Variants in NKAIN3 observed in about 807,000 individuals in gnomAD.
The protein encoded by NKAIN3 is sodium/potassium-transporting ATPase subunit beta-1-interacting protein 3.
NKAIN3 carries 25 observed loss-of-function variants against 30.2 expected under a neutral mutation model. The ratio of observed to expected loss-of-function variants is 0.83; its 90% CI spans 0.60 to 1.16. NKAIN3 has a LOEUF of 1.16. NKAIN3 is among the 50% of genes most tolerant of loss of function. The pLI, the probability that NKAIN3 is intolerant of heterozygous loss-of-function variation, is 0.00. For missense variants in NKAIN3, 225 were observed against 254.1 expected (o/e 0.89, Z 0.78); for synonymous variants, 91 against 89.6 (o/e 1.02, Z -0.09).
intron 1 of NKAIN3, among the ~76,000 whole-genome samples, chr8:62,412,190 A>G (rs1804259275): frequency 6.6e-6 from 1 of 152,224 alleles, no homozygotes; most frequent in African/African-American, 2.4e-5. Context: ...ATAGTAATCA[A>G]AGTAGCATGG....
intron 1 of NKAIN3, among the ~76,000 whole-genome samples, chr8:62,418,947 A>G (rs976841353): frequency 6.6e-6 from 1 of 152,164 alleles, no homozygotes; most frequent in African/African-American, 2.4e-5. Context: ...TAGCAGAAGC[A>G]TTTCTCTCCT....
chr8:62,381,189 A>T (rs1817264043), intron 1 of NKAIN3, among the ~76,000 whole-genome samples: 2 of 152,132 alleles, frequency 1.3e-5, no homozygotes, highest in Non-Finnish European at 2.9e-5. Flanking sequence ...ATTATTAATC[A>T]GTTTGCTTTT....
rs562670270 is a variant in NKAIN3 at position 62,300,868 on chromosome 8, T to G, written c.54+51741T>G. Among the ~76,000 whole-genome samples the G allele has an allele frequency of 1.6e-4, 25 of 152,250 alleles. No individual in the cohort carries two copies. The South Asian group carries it at 5.2e-3, about 32-fold the overall frequency. On this transcript the variant is annotated intron_variant, in intron 1 of 6. Coordinates refer to ENST00000623646, the MANE Select transcript of NKAIN3 (RefSeq NM_001304533.3). ...TTAAATGTGTGCCTTTCTTTTCTCC[T>G]TAGCCAGACTTCGAATCTCCTTTAA...
At position 62,823,407 on chromosome 8, in the gene NKAIN3, G is replaced by A. The variant is rs533796094; in HGVS notation, c.471+76278G>A. Among the ~76,000 whole-genome samples, 18 of 152,216 alleles carry A rather than the reference G, an allele frequency of 1.2e-4. No homozygotes were observed. The East Asian group carries it at 2.7e-3, about 23-fold the overall frequency. Reference sequence around the variant, plus strand: ...AATGTTTAATACAGATAAATTACCTGTAACACTGAACAGAAAATCTCACAG... The same window carrying A: ...AATGTTTAATACAGATAAATTACCTATAACACTGAACAGAAAATCTCACAG... On this transcript the variant is annotated intron_variant, in intron 4 of 6. Coordinates refer to ENST00000623646, the MANE Select transcript of NKAIN3 (RefSeq NM_001304533.3).
intron 3 of NKAIN3, among the ~76,000 whole-genome samples, chr8:62,680,281 C>T (rs1283254421): frequency 6.6e-6 from 1 of 152,120 alleles, no homozygotes; most frequent in Non-Finnish European, 1.5e-5. Context: ...AAAAACACAG[C>T]CCTGCTGACA....
chr8:62,731,767 T>C (rs557544286), intron 3 of NKAIN3, among the ~76,000 whole-genome samples: 1 of 152,238 alleles, frequency 6.6e-6, no homozygotes, highest in Admixed American at 6.5e-5. Context: ...CCACTGAAGG[T>C]CAGATCAAGG....
chr8:62,551,672 A>G (rs140109386), intron 1 of NKAIN3, among the ~76,000 whole-genome samples: 2 of 152,222 alleles, frequency 1.3e-5, no homozygotes, highest in African/African-American at 4.8e-5. Flanking sequence ...GGTCCCATGC[A>G]CAGAAAGCAG....
chr8:62,442,702 G>C (rs972343708), intron 1 of NKAIN3, among the ~76,000 whole-genome samples: 1 of 151,426 alleles, frequency 6.6e-6, no homozygotes, highest in Non-Finnish European at 1.5e-5. Context: ...TGGTCTGATA[G>C]ATCCATTGAA....
intron 4 of NKAIN3, among the ~76,000 whole-genome samples, chr8:62,759,515 A>C (rs1299349314): frequency 3.3e-5 from 5 of 152,194 alleles, no homozygotes. Flanking sequence ...CTAGAATAGC[A>C]TGAAGAATGT....
chr8:62,794,280 C>T (rs1817790254), intron 4 of NKAIN3, among the ~76,000 whole-genome samples: 1 of 152,094 alleles, frequency 6.6e-6, no homozygotes, highest in African/African-American at 2.4e-5. Context: ...TAGTCTGGCT[C>T]CAATAAATAT....
chr8:62,333,539 T>G (rs568477660), intron 1 of NKAIN3, among the ~76,000 whole-genome samples: 1 of 152,198 alleles, frequency 6.6e-6, no homozygotes, highest in Non-Finnish European at 1.5e-5. Context: ...ATAGTCACAT[T>G]TCTCTCGTTG....
chr8:62,254,672 A>G lies in NKAIN3; in HGVS notation c.54+5545A>G, dbSNP rs6983304. Reference sequence around the variant, plus strand: ...TAAGAGCAAAACTATCATTTTAATAAAAATACATGAATTGTCATACTTTTG... The same window carrying G: ...TAAGAGCAAAACTATCATTTTAATAGAAATACATGAATTGTCATACTTTTG... On this transcript the variant is annotated intron_variant, in intron 1 of 6. Transcript: ENST00000623646. Among the ~76,000 whole-genome samples the G allele has an allele frequency of 4.9e-3, 749 of 152,346 alleles. 8 individuals carry two copies. Among genetic ancestry groups the G allele is most frequent in the African/African-American group, 0.017 (720 of 41,580 alleles).
chr8:62,575,298 A>C (rs1228440315), intron 1 of NKAIN3, among the ~76,000 whole-genome samples: 1 of 152,170 alleles, frequency 6.6e-6, no homozygotes, highest in African/African-American at 2.4e-5. Flanking sequence ...ACATACAAAA[A>C]TCAGTAGCAT....
At chr8:62,875,890 G>A (rs1238852593) in intron 4 of NKAIN3, among the ~76,000 whole-genome samples, 1 of 152,068 alleles carries the variant, frequency 6.6e-6, no homozygotes, top group East Asian at 1.9e-4. Context: ...AGAAAGCCTA[G>A]GCAATACCAT....
At chr8:62,458,551 C>T (rs1258253389) in intron 1 of NKAIN3, among the ~76,000 whole-genome samples, 3 of 152,130 alleles carry the variant, frequency 2.0e-5, no homozygotes, top group Non-Finnish European at 2.9e-5. Flanking sequence ...GAATGCATGT[C>T]CTACAAGTCA....
At chr8:62,896,893 T>G (rs1046022725) in intron 4 of NKAIN3, among the ~76,000 whole-genome samples, 1 of 152,188 alleles carries the variant, frequency 6.6e-6, no homozygotes, top group African/African-American at 2.4e-5. Context: ...GAAGGCAGAT[T>G]GCAATGAATT....
chr8:62,747,255 A>C, intron 4 of NKAIN3, 126 bp downstream of exon 4: 1 of 608,922 alleles, frequency 1.6e-6, no homozygotes, highest in Non-Finnish European at 2.9e-6. Context: ...AAATAGAAGC[A>C]ATTATGGTAC....
At chr8:62,312,823 CA>C (rs56252388) in intron 1 of NKAIN3, among the ~76,000 whole-genome samples, 2,114 of 142,374 alleles carry the variant, frequency 0.015, 57 homozygotes, top group East Asian at 0.051. Flanking sequence ...AACCTTGTCT[CA>C]AAAAAAAAAA....
chr8:62,836,207 C>A (rs1199338055), intron 4 of NKAIN3, among the ~76,000 whole-genome samples: 1 of 152,024 alleles, frequency 6.6e-6, no homozygotes, highest in African/African-American at 2.4e-5. Context: ...AGCTGAAAAT[C>A]TACCTATTTA....
Sources: gnomAD v4.1 joint callset for allele counts (sites outside exome capture counted in the v4.1 genomes callset) on GRCh38, gnomAD v4.1.1 for gene constraint, MANE v1.5 for transcripts, NCBI Gene and HGNC (gene_info 2026-07-23, HGNC 2026-07-21) for gene names.